Variants in STK33 observed in about 807,000 individuals in gnomAD.
The protein encoded by STK33 is serine/threonine-protein kinase 33.
Under a neutral mutation model 58.0 loss-of-function variants are expected in STK33, and 52 were observed. The ratio of observed to expected loss-of-function variants is 0.90; its 90% CI spans 0.72 to 1.13. The LOEUF is 1.13. Among genes scored for constraint, STK33 ranks in the 50% most tolerant of loss-of-function variants. STK33 has a pLI of 0.00. For synonymous variants in STK33, 215 were observed against 200.1 expected (o/e 1.07, Z -0.63); for missense variants, 630 against 604.2 (o/e 1.04, Z -0.45).
At chr11:8,521,890 T>C in intron 1 of STK33, among the ~76,000 whole-genome samples, 1 of 152,162 alleles carries the variant, frequency 6.6e-6, no homozygotes, top group Admixed American at 6.5e-5. Flanking sequence ...TCATCACCAC[T>C]GGCCATCAGA....
chr11:8,553,497 C>T (rs1177109428), intron 1 of STK33, among the ~76,000 whole-genome samples: 2 of 151,704 alleles, frequency 1.3e-5, no homozygotes, highest in African/African-American at 4.8e-5. Context: ...ATGGGACCAC[C>T]ACTGTATACG....
At chr11:8,548,929 G>T (rs969747999) in intron 1 of STK33, among the ~76,000 whole-genome samples, 5 of 152,066 alleles carry the variant, frequency 3.3e-5, no homozygotes, top group Non-Finnish European at 7.4e-5. Context: ...ATTGTTCACT[G>T]TTGGTGTATA....
At chr11:8,372,979 G>A in the STK33 span, among the ~76,000 whole-genome samples, 7 of 152,316 alleles carry the variant, frequency 4.6e-5, no homozygotes, top group East Asian at 7.7e-4. Flanking sequence ...GCAGCAGGGA[G>A]GGCTTCTGCA....
intron 15 of STK33, among the ~76,000 whole-genome samples, chr11:8,407,927 C>A (rs1231762829): frequency 6.6e-6 from 1 of 151,988 alleles, no homozygotes; most frequent in Non-Finnish European, 1.5e-5. Context: ...AAAGAGATGA[C>A]CTTGAAAGCA....
chr11:8,432,530 T>A (rs1564941971), intron 14 of STK33, among the ~76,000 whole-genome samples: 1 of 152,194 alleles, frequency 6.6e-6, no homozygotes, highest in Non-Finnish European at 1.5e-5. Flanking sequence ...GAAATTCCAT[T>A]CCCTTAAATG....
chr11:8,430,008 C>CA (rs1038680103), intron 14 of STK33, among the ~76,000 whole-genome samples: 1 of 152,150 alleles, frequency 6.6e-6, no homozygotes, highest in Non-Finnish European at 1.5e-5. Context: ...CATAACGCTC[C>CA]AAGGGTGAGA....
chr11:8,413,044 T>C (rs1240820724), intron 15 of STK33, among the ~76,000 whole-genome samples: 1 of 152,216 alleles, frequency 6.6e-6, no homozygotes, highest in Non-Finnish European at 1.5e-5. Context: ...CCATTCCAAA[T>C]TCTATAGTCT....
At chr11:8,464,111 G>C (rs78825569) in intron 7 of STK33, among the ~76,000 whole-genome samples, 36 of 152,260 alleles carry the variant, frequency 2.4e-4, no homozygotes, top group Non-Finnish European at 4.4e-4. Context: ...AAATGAAAAA[G>C]GTTGATGAAA....
At chr11:8,453,290 TC>T (rs1303445133) in intron 10 of STK33, among the ~76,000 whole-genome samples, 4 of 152,236 alleles carry the variant, frequency 2.6e-5, no homozygotes, top group African/African-American at 9.6e-5. Flanking sequence ...TAACATATTA[TC>T]TATGTTTCTG....
intron 5 of STK33, among the ~76,000 whole-genome samples, 198 bp from the exon 6 acceptor site, chr11:8,473,474 G>T (rs7931604): frequency 0.39 from 59,499 of 151,818 alleles, 11,988 homozygotes; most frequent in South Asian, 0.56. Flanking sequence ...ACCTTAAGAA[G>T]ATATTCAATC....
At chr11:8,447,028 G>A (rs1208117930) in intron 11 of STK33, among the ~76,000 whole-genome samples, 1 of 152,164 alleles carries the variant, frequency 6.6e-6, no homozygotes, top group South Asian at 2.1e-4. Context: ...AGAGTGAACA[G>A]GCAACCTAGA....
At chr11:8,551,699 A>T (rs1269603704) in intron 1 of STK33, among the ~76,000 whole-genome samples, 1 of 152,030 alleles carries the variant, frequency 6.6e-6, no homozygotes, top group Non-Finnish European at 1.5e-5. Context: ...ACTTGTAGGG[A>T]GCATCAGAAC....
chr11:8,523,758 G>A (rs550521822), intron 1 of STK33, among the ~76,000 whole-genome samples: 14 of 147,710 alleles, frequency 9.5e-5, no homozygotes, highest in East Asian at 6.3e-4. Flanking sequence ...GCCTCTGCCC[G>A]GCCGCCGCGT....
At chr11:8,462,472 C>CACAT (rs541126483) in intron 7 of STK33, among the ~76,000 whole-genome samples, 10,615 of 141,390 alleles carry the variant, frequency 0.075, 507 homozygotes, top group Non-Finnish European at 0.11. Context: ...CACACACACA[C>CACAT]ATATATATAT....
chr11:8,378,365 A>G, the STK33 span, among the ~76,000 whole-genome samples: 2 of 152,312 alleles, frequency 1.3e-5, no homozygotes, highest in Non-Finnish European at 1.5e-5. Flanking sequence ...ATAAAAACAC[A>G]AAATTAGCTG....
chr11:8,514,336 G>T (rs972568799), intron 1 of STK33, among the ~76,000 whole-genome samples: 1 of 152,014 alleles, frequency 6.6e-6, no homozygotes, highest in Non-Finnish European at 1.5e-5. Context: ...CACAATAACA[G>T]ATTAAACCTT....
chr11:8,345,649 A>G, the STK33 span, among the ~76,000 whole-genome samples: 2 of 152,174 alleles, frequency 1.3e-5, no homozygotes, highest in South Asian at 4.2e-4. Context: ...ACAGGCAGAG[A>G]GAGTCAGGGA....
At chr11:8,339,893 C>T in the STK33 span, among the ~76,000 whole-genome samples, 1 of 152,214 alleles carries the variant, frequency 6.6e-6, no homozygotes, top group Non-Finnish European at 1.5e-5. Flanking sequence ...GAGTCCTCAC[C>T]TCCTCTCTCT....
chr11:8,454,125 A>G (rs1591198626), intron 10 of STK33, among the ~76,000 whole-genome samples: 1 of 152,254 alleles, frequency 6.6e-6, no homozygotes, highest in Non-Finnish European at 1.5e-5. Flanking sequence ...TATTTCTATT[A>G]CATAGGACTT....
Sources: allele counts gnomAD v4.1 joint callset (sites outside exome capture counted in the v4.1 genomes callset), GRCh38; gene constraint gnomAD v4.1.1; transcripts MANE v1.5; gene names NCBI Gene and HGNC (gene_info 2026-07-23, HGNC 2026-07-21).